The following PRDM2 variants were observed in gnomAD, a reference collection of about 807,000 sequenced individuals.
PRDM2 encodes the protein PR/SET domain 2.
In PRDM2, 30 loss-of-function variants were observed where a neutral mutation model predicts 130.0. That is an observed-to-expected ratio of 0.23 (90% CI 0.17 to 0.31). PRDM2 has a LOEUF of 0.31. Among genes scored for constraint, PRDM2 ranks in the 10% least tolerant of loss-of-function variants. PRDM2 has a pLI of 1.00. For synonymous variants in PRDM2, 871 were observed against 782.4 expected (o/e 1.11, Z -1.89); for missense variants, 2,011 against 2,108.4 (o/e 0.95, Z 0.90).
chr1:13,799,830 C>T (rs1282488804), intron 8 of PRDM2, among the ~76,000 whole-genome samples: 1 of 152,192 alleles, frequency 6.6e-6, no homozygotes, highest in Non-Finnish European at 1.5e-5. Context: ...AAGTTGAATA[C>T]TTAGAAAGGC....
rs760201904 is a variant in PRDM2 at position 13,779,976 on chromosome 1, T to A, written c.2181T>A (p.Pro727=). 3 of 1,614,246 alleles carry A rather than the reference T, an allele frequency of 1.9e-6. No homozygotes were observed. Among genetic ancestry groups the A allele is most frequent in the Non-Finnish European group, 2.5e-6 (3 of 1,180,038 alleles). The part of the protein sequence containing the change: ...VCVSAPASML[P]VTSSRFKRRT... ...TGTCTGCTCCTGCATCAATGTTGCC[T>A]GTGACCTCAAGTAGGTTTAAGAGGC... Residue 727 remains proline (P), a synonymous_variant, in exon 8 of 10, where the codon CCT becomes CCA. Coordinates refer to ENST00000311066, the MANE Select transcript of PRDM2 (RefSeq NM_001393986.1). This position sits in a 1 kb window ranked among gnomAD's most constrained non-coding sequence, Gnocchi z 4.9.
intron 1 of PRDM2, among the ~76,000 whole-genome samples, chr1:13,714,291 T>C (rs1316321012): frequency 6.6e-6 from 1 of 151,902 alleles, no homozygotes; most frequent in Non-Finnish European, 1.5e-5. Context: ...TGCTCAGTAT[T>C]AAAATGTAAA....
chr1:13,778,626 T>G lies in PRDM2; in HGVS notation c.831T>G (p.Asp277Glu), dbSNP rs199679022. 112 of 1,611,666 alleles carry G rather than the reference T, an allele frequency of 6.9e-5. No individual in the cohort carries two copies. The African/African-American group carries it at 7.1e-4, about 10-fold the overall frequency. ...AGGAGGAGGAGGAAGAGGAGGAGGATGAAGAAGAAGAAGAAGATGATGATG... is the reference window on the plus strand; with the variant it reads ...AGGAGGAGGAGGAAGAGGAGGAGGAGGAAGAAGAAGAAGAAGATGATGATG... Reference protein sequence around the residue: ...GEEEEEEEEEDEEEEEDDDDD... With the variant: ...GEEEEEEEEEEEEEEEDDDDD... Residue 277 changes from aspartate to glutamate, a missense_variant, in exon 8 of 10, where the codon GAT (aspartate) becomes GAG (glutamate). Asp to Glu is a conservative substitution (Grantham distance 45). Around this residue, in one of 5 missense-constraint regions of PRDM2, gnomAD observed 1,288 missense variants for 1,237.7 expected, o/e 1.04. Coordinates refer to ENST00000311066, the MANE Select transcript of PRDM2 (RefSeq NM_001393986.1).
chr1:13,722,754 A>T (rs1642772528), intron 2 of PRDM2: 1 of 473,712 alleles, frequency 2.1e-6, no homozygotes, highest in East Asian at 5.8e-5. Flanking sequence ...CCCTCAGGTG[A>T]CTTATTTTCT....
intron 6 of PRDM2, among the ~76,000 whole-genome samples, chr1:13,749,946 G>A (rs1643765195): frequency 6.6e-6 from 1 of 152,166 alleles, no homozygotes; most frequent in Non-Finnish European, 1.5e-5. Context: ...GACGCGGGCC[G>A]CGTCGGTCGC....
rs369794205 is a variant in PRDM2 at position 13,768,284 on chromosome 1, C to T, written c.512-4794C>T. Among the ~76,000 whole-genome samples, 24 of 151,704 alleles carry T rather than the reference C, an allele frequency of 1.6e-4. No homozygotes were observed. In the East Asian group the frequency reaches 1.9e-3, roughly 12 times the overall value. On this transcript the variant is annotated intron_variant, in intron 6 of 9. Coordinates refer to ENST00000311066, the MANE Select transcript of PRDM2 (RefSeq NM_001393986.1). ...GTTTTTAGCAGAGACGGGGTTTCAC[C>T]GCACTAGCCAGGATGGTCTCGATCT...
At chr1:13,735,570 T>C in intron 4 of PRDM2, among the ~76,000 whole-genome samples, 1 of 152,202 alleles carries the variant, frequency 6.6e-6, no homozygotes, top group African/African-American at 2.4e-5. Context: ...TAGTTGTTTT[T>C]GGAGCAGTTT....
intron 9 of PRDM2, 70 bp from the exon 10 acceptor site, chr1:13,823,089 G>A (rs1277302353): frequency 2.8e-6 from 4 of 1,429,106 alleles, no homozygotes; most frequent in Non-Finnish European, 2.9e-6. Flanking sequence ...GTGCAATAAC[G>A]CATGGACCAC....
intron 8 of PRDM2, among the ~76,000 whole-genome samples, chr1:13,784,543 A>T (rs1435704810): frequency 6.6e-6 from 1 of 152,234 alleles, no homozygotes. Flanking sequence ...CTGCAAAGAA[A>T]AGCTGTCAGA....
rs182584403 is a variant in PRDM2 at position 13,809,186 on chromosome 1, G to A, written c.5037-7241G>A. ...TGATGTATCAAGGAACTTGGACTGC[G>A]TCCTGGGAGCCATGGGGTTTTGACA... is the stretch of plus-strand genomic sequence containing the variant. On this transcript the variant is annotated intron_variant, in intron 8 of 9. Transcript: ENST00000311066. Among the ~76,000 whole-genome samples the A allele has an allele frequency of 2.4e-4, 37 of 152,342 alleles. No individual in the cohort carries two copies. The East Asian group carries it at 5.0e-3, about 21-fold the overall frequency.
At chr1:13,736,976 GATAT>G (rs1643292318) in intron 4 of PRDM2, among the ~76,000 whole-genome samples, 1 of 152,176 alleles carries the variant, frequency 6.6e-6, no homozygotes, top group Admixed American at 6.5e-5. Context: ...ATTTTTAAAA[GATAT>G]ATAAACTTTT....
At chr1:13,710,341 G>A (rs898756868) in intron 1 of PRDM2, among the ~76,000 whole-genome samples, 1 of 152,206 alleles carries the variant, frequency 6.6e-6, no homozygotes, top group Non-Finnish European at 1.5e-5. Flanking sequence ...TGTTGAGGTT[G>A]TGTTGACACT....
At chr1:13,795,663 G>C (rs2100717897) in intron 8 of PRDM2, among the ~76,000 whole-genome samples, 1 of 152,332 alleles carries the variant, frequency 6.6e-6, no homozygotes. Flanking sequence ...TTCCTGGGAT[G>C]AACCCATTTT....
intron 6 of PRDM2, among the ~76,000 whole-genome samples, chr1:13,764,683 G>A (rs978014971): frequency 2.0e-5 from 3 of 152,238 alleles, no homozygotes; most frequent in Non-Finnish European, 4.4e-5. Context: ...AGCTGCAGAG[G>A]CTGTGCAACA....
intron 8 of PRDM2, among the ~76,000 whole-genome samples, chr1:13,793,503 C>T (rs1408333506): frequency 7.9e-5 from 12 of 152,160 alleles, no homozygotes; most frequent in Non-Finnish European, 1.8e-4. Flanking sequence ...GTTGCAGAAA[C>T]GACTCACTTT....
At chr1:13,819,618 C>T (rs972129717) in intron 9 of PRDM2, among the ~76,000 whole-genome samples, 6 of 152,202 alleles carry the variant, frequency 3.9e-5, no homozygotes, top group Non-Finnish European at 5.9e-5. Context: ...GCTGCTATCA[C>T]AAAATACCAC....
At chr1:13,701,059 T>C (rs938553962) in intron 1 of PRDM2, among the ~76,000 whole-genome samples, 7 of 152,198 alleles carry the variant, frequency 4.6e-5, no homozygotes, top group African/African-American at 1.7e-4. Context: ...CCTCCGGGCT[T>C]GTAGCTTTGT....
intron 2 of PRDM2, chr1:13,722,944 G>T: frequency 2.2e-6 from 1 of 456,090 alleles, no homozygotes; most frequent in South Asian, 1.6e-5. Flanking sequence ...ACCCCATCTC[G>T]TCACTCTCCT....
intron 6 of PRDM2, among the ~76,000 whole-genome samples, chr1:13,759,012 T>A (rs1190225596): frequency 6.6e-6 from 1 of 152,180 alleles, no homozygotes; most frequent in Non-Finnish European, 1.5e-5. Flanking sequence ...TTTTATATGT[T>A]CTTGTTAGTT....
Sources: gnomAD v4.1 joint callset for allele counts (sites outside exome capture counted in the v4.1 genomes callset) on GRCh38, gnomAD v4.1.1 for gene constraint, gnomAD v4.1.1 regional missense constraint, Gnocchi (gnomAD v3.1) non-coding constraint, MANE v1.5 for transcripts, NCBI Gene and HGNC (gene_info 2026-07-23, HGNC 2026-07-21) for gene names.